Variants in GPC3 observed in about 807,000 individuals in gnomAD.
GPC3 encodes the protein glypican-3.
A neutral mutation model predicts 34.4 loss-of-function variants in GPC3; 3 were observed. The observed-to-expected ratio is 0.09, with a 90% CI of 0.04 to 0.23. The LOEUF is 0.23. Ranked by LOEUF, GPC3 falls within the 10% of genes least tolerant of loss-of-function variation. The probability of loss-of-function intolerance (pLI) is 1.00; values close to 1 mark genes in which losing one functional copy is unlikely to be tolerated. For synonymous variants in GPC3, 177 were observed against 174.0 expected (o/e 1.02, Z -0.13); for missense variants, 351 against 445.6 (o/e 0.79, Z 1.91).
intron 2 of GPC3, among the ~76,000 whole-genome samples, chrX:133,783,005 A>G (rs1405317344): frequency 9.1e-6 from 1 of 110,344 alleles, no homozygotes; most frequent in Non-Finnish European, 1.9e-5. Context: ...GGGGGTGGAC[A>G]GAGAGGGATG....
chrX:133,812,108 A>T (rs1192378465), intron 2 of GPC3, among the ~76,000 whole-genome samples: 1 of 112,081 alleles, frequency 8.9e-6, no homozygotes, highest in Non-Finnish European at 1.9e-5. Context: ...TTCAACAAAC[A>T]TTCATGTTAT....
chrX:133,677,034 C>T (rs1249634487), intron 5 of GPC3, among the ~76,000 whole-genome samples: 1 of 111,694 alleles, frequency 9.0e-6, no homozygotes, highest in African/African-American at 3.3e-5. Context: ...TTATTGGGAG[C>T]AACAGACATT....
chrX:133,593,443 T>C lies in GPC3; in HGVS notation c.1573+2997A>G, dbSNP rs1051975816. 1.4e-4 allele frequency among the ~76,000 whole-genome samples: 14 copies of C among 98,775 alleles called. 1 individual carries two copies. Among genetic ancestry groups the C allele is most frequent in the Non-Finnish European group, 1.8e-4 (9 of 50,196 alleles). The allele number at this position is 98,775 out of a possible 115,157, so 85.8% of individuals were successfully genotyped here. Reference sequence around the variant, plus strand: ...GTTTATGGGGTTCATGGAGCATGAATATGGCTGTTCTCACCAAAGTGGAGG... The same window carrying C: ...GTTTATGGGGTTCATGGAGCATGAACATGGCTGTTCTCACCAAAGTGGAGG... On this transcript the variant is annotated intron_variant, in intron 7 of 7. Coordinates refer to ENST00000370818, the MANE Select transcript of GPC3 (RefSeq NM_004484.4).
chrX:133,692,627 C>A, intron 4 of GPC3, 133 bp from the exon 5 acceptor site: 1 of 555,030 alleles, frequency 1.8e-6, no homozygotes, highest in Non-Finnish European at 3.0e-6. Flanking sequence ...TAAAGACATT[C>A]TTGGCTACAA....
intron 7 of GPC3, among the ~76,000 whole-genome samples, chrX:133,552,694 G>T (rs757827448): frequency 8.9e-6 from 1 of 111,793 alleles, no homozygotes; most frequent in African/African-American, 3.3e-5. Context: ...AAACTAATTC[G>T]CAGTTAGTAG....
At chrX:133,562,787 G>A (rs2069550460) in intron 7 of GPC3, among the ~76,000 whole-genome samples, 1 of 111,190 alleles carries the variant, frequency 9.0e-6, no homozygotes, top group African/African-American at 3.3e-5. Flanking sequence ...ATTAGAAAGG[G>A]GGATCACCAC....
chrX:133,789,086 A>G (rs771210606), intron 2 of GPC3, among the ~76,000 whole-genome samples: 105 of 111,185 alleles, frequency 9.4e-4, no homozygotes, highest in African/African-American at 3.3e-3. Flanking sequence ...TTTGATTTTG[A>G]CAGTGTCCCA....
At chrX:133,769,068 T>G (rs1269828285) in intron 2 of GPC3, among the ~76,000 whole-genome samples, 1 of 112,101 alleles carries the variant, frequency 8.9e-6, no homozygotes, top group Non-Finnish European at 1.9e-5. Context: ...AAGAAGAACA[T>G]CCTGCTGATT....
At chrX:133,919,520 G>C (rs1427011451) in intron 2 of GPC3, among the ~76,000 whole-genome samples, 1 of 111,599 alleles carries the variant, frequency 9.0e-6, no homozygotes, top group South Asian at 3.8e-4. Flanking sequence ...GGTAAAGGAA[G>C]AGAGGGCTAA....
At chrX:133,832,033 A>C in intron 2 of GPC3, among the ~76,000 whole-genome samples, 1 of 111,999 alleles carries the variant, frequency 8.9e-6, no homozygotes, top group Non-Finnish European at 1.9e-5. Flanking sequence ...CTGTAATCCC[A>C]GCATTTTGGG....
chrX:133,552,458 T>C (rs1369954484), intron 7 of GPC3, among the ~76,000 whole-genome samples: 1 of 111,427 alleles, frequency 9.0e-6, no homozygotes, highest in Non-Finnish European at 1.9e-5. Context: ...CAAGACATAA[T>C]TGTAGGGAAA....
intron 2 of GPC3, among the ~76,000 whole-genome samples, chrX:133,803,896 A>T (rs898067060): frequency 9.1e-6 from 1 of 110,286 alleles, no homozygotes; most frequent in Non-Finnish European, 1.9e-5. Context: ...TTAGCCCAGC[A>T]CTCTGAATTT....
chrX:133,868,239 A>T (rs1029238287), intron 2 of GPC3, among the ~76,000 whole-genome samples: 1 of 111,570 alleles, frequency 9.0e-6, no homozygotes, highest in Admixed American at 9.5e-5. Flanking sequence ...CCAGAGCCCA[A>T]AGCACTCACC....
chrX:133,895,807 C>T (rs2076109308), intron 2 of GPC3, among the ~76,000 whole-genome samples: 1 of 111,107 alleles, frequency 9.0e-6, no homozygotes, highest in East Asian at 2.8e-4. Context: ...ATATATCCAC[C>T]CCAATCAATC....
At chrX:133,638,681 C>T (rs2070451894) in intron 6 of GPC3, among the ~76,000 whole-genome samples, 1 of 111,027 alleles carries the variant, frequency 9.0e-6, no homozygotes, top group Non-Finnish European at 1.9e-5. Flanking sequence ...TTCCTCAAGG[C>T]ATGTGGTTCA....
intron 2 of GPC3, among the ~76,000 whole-genome samples, chrX:133,894,386 A>T (rs1188884233): frequency 2.7e-5 from 3 of 112,113 alleles, no homozygotes; most frequent in African/African-American, 9.7e-5. Context: ...GTACTACTTC[A>T]CATGCATATA....
chrX:133,957,144 C>A (rs1429667350), intron 1 of GPC3, among the ~76,000 whole-genome samples: 1 of 111,006 alleles, frequency 9.0e-6, no homozygotes, highest in Non-Finnish European at 1.9e-5. Context: ...CAATATTTAC[C>A]CTCCCTCCCA....
At chrX:133,536,447 AAAG>A (rs1352187731) in intron 7 of GPC3, among the ~76,000 whole-genome samples, 154 bp from the exon 8 acceptor site, 1 of 97,273 alleles carries the variant, frequency 1.0e-5, no homozygotes, top group African/African-American at 3.8e-5. Flanking sequence ...GAGATGGGAA[AAAG>A]AAGGATATGT....
chrX:133,874,138 T>C (rs1382665334), intron 2 of GPC3, among the ~76,000 whole-genome samples: 1 of 112,084 alleles, frequency 8.9e-6, no homozygotes, highest in Non-Finnish European at 1.9e-5. Flanking sequence ...AAGATTATTC[T>C]CACCTGCTTT....
Sources: allele counts gnomAD v4.1 joint callset (sites outside exome capture counted in the v4.1 genomes callset), GRCh38; gene constraint gnomAD v4.1.1; transcripts MANE v1.5; gene names NCBI Gene and HGNC (gene_info 2026-07-23, HGNC 2026-07-21).